Variants in MAP3K21 observed in about 807,000 individuals in gnomAD.
MAP3K21 encodes the protein mitogen-activated protein kinase kinase kinase 21, also known as mitogen-activated protein kinase kinase kinase MLK4.
Under a neutral mutation model 86.1 loss-of-function variants are expected in MAP3K21, and 63 were observed. That is an observed-to-expected ratio of 0.73 (90% CI 0.60 to 0.90). The LOEUF (loss-of-function observed/expected upper bound fraction) is 0.90. MAP3K21 is among the 40% of genes least tolerant of loss of function. The pLI is 0.00. For missense variants in MAP3K21, 1,220 were observed against 1,367.7 expected, an observed-to-expected ratio of 0.89 and a Z score of 1.70; for synonymous variants, 558 against 564.8, an observed-to-expected ratio of 0.99 and a Z score of 0.17.
rs367946480 is a variant in MAP3K21 at position 233,353,959 on chromosome 1, TTGTGTGTG to T, written c.1135+16_1135+23del. 4 of 1,507,734 alleles carry T rather than the reference TTGTGTGTG, an allele frequency of 2.7e-6. No individual in the cohort carries two copies. The Admixed American group carries it at 6.4e-5, about 24-fold the overall frequency. The allele number at this position is 1,507,734 out of a possible 1,614,324, so 93.4% of individuals were successfully genotyped here. ...CCGTTTGCCAAGCTCATGAAAGGTA[TTGTGTGTG>T]TGTGTGTGTGTCTTTGTGGGGGCAA... On this transcript the variant is annotated splice_donor_5th_base_variant and intron_variant, in intron 3 of 9. Transcript: ENST00000366624.
rs10910145 is a variant in MAP3K21 at position 233,385,029 on chromosome 1, G to T, written c.*2318G>T. Reference sequence around the variant, plus strand: ...AGTAAAAAATTAAGGTACTCTCACTGCAGAGATTTAAGGCCTGGGCCTAAT... The same window carrying T: ...AGTAAAAAATTAAGGTACTCTCACTTCAGAGATTTAAGGCCTGGGCCTAAT... On this transcript the variant is annotated 3_prime_UTR_variant, in exon 10 of 10. Coordinates refer to ENST00000366624, the MANE Select transcript of MAP3K21 (RefSeq NM_032435.3). 1 of 152,204 alleles carries T rather than the reference G, an allele frequency of 6.6e-6. No individual in the cohort carries two copies. The highest frequency in any genetic ancestry group is 2.1e-4 in the South Asian group (1 of 4,836). 9.4% of individuals were successfully genotyped at this position (152,204 alleles called of 1,614,324 possible). A position where few individuals can be genotyped will look rare whatever the true frequency, so the allele number is the denominator to read the frequency against.
Position 233,328,449 on chromosome 1 carries a change from G to T in MAP3K21, c.421G>T (p.Ala141Ser). 1.3e-6 allele frequency: 2 copies of T among 1,495,504 alleles called. No individual in the cohort carries two copies. The highest frequency in any genetic ancestry group is 1.3e-5 in the South Asian group (1 of 79,118). 92.6% of individuals were successfully genotyped at this position (1,495,504 alleles called of 1,614,324 possible). Residue 141 changes from alanine to serine, a missense_variant, in exon 1 of 10, where the codon GCC becomes TCC. Ala to Ser is a moderately conservative substitution (Grantham distance 99). This residue lies in a region of MAP3K21 where 369 missense variants were observed against 385.3 expected (regional missense o/e 0.96). Transcript: ENST00000366624. The surrounding 1 kb of genome is among the most constrained non-coding windows in gnomAD (Gnocchi z 8.7). ...TGGGGGCTTCGGGCAGGTGTACCGCGCCACCTGGCAGGGCCAGGAGGTGGC... is the reference window on the plus strand; with the variant it reads ...TGGGGGCTTCGGGCAGGTGTACCGCTCCACCTGGCAGGGCCAGGAGGTGGC... ...GAGGFGQVYR[A>S]TWQGQEVAVK... is the part of the protein sequence containing the mutation.
intron 4 of MAP3K21, among the ~76,000 whole-genome samples, chr1:233,357,880 C>T (rs1663393913): frequency 6.6e-6 from 1 of 152,202 alleles, no homozygotes; most frequent in Non-Finnish European, 1.5e-5. Context: ...CTTGCTAGCA[C>T]TTGGAGCTGG....
chr1:233,352,526 G>T (rs1321142901), intron 2 of MAP3K21, among the ~76,000 whole-genome samples: 2 of 151,936 alleles, frequency 1.3e-5, no homozygotes, highest in Non-Finnish European at 2.9e-5. Context: ...TGCCTCTGAG[G>T]TTCAAGTGAT....
At chr1:233,345,055 G>A (rs1663106838) in intron 1 of MAP3K21, among the ~76,000 whole-genome samples, 1 of 152,068 alleles carries the variant, frequency 6.6e-6, no homozygotes, top group South Asian at 2.1e-4. Context: ...CCAGTTAGAA[G>A]GGCGACCATT....
intron 5 of MAP3K21, among the ~76,000 whole-genome samples, chr1:233,366,561 A>G (rs1663578109): frequency 6.6e-6 from 1 of 152,216 alleles, no homozygotes; most frequent in Admixed American, 6.5e-5. Context: ...GATAAGTGGT[A>G]GATGGAACAG....
chr1:233,368,404 A>C (rs1420833748), intron 5 of MAP3K21, among the ~76,000 whole-genome samples: 3 of 152,150 alleles, frequency 2.0e-5, no homozygotes, highest in Non-Finnish European at 2.9e-5. Context: ...TGTCATCCCA[A>C]GCACTTTCAG....
At chr1:233,375,002 C>T (rs956088675) in intron 6 of MAP3K21, among the ~76,000 whole-genome samples, 2 of 151,452 alleles carry the variant, frequency 1.3e-5, no homozygotes, top group Non-Finnish European at 2.9e-5. Context: ...AGTGTAGTGG[C>T]GCGATCTCGG....
At chr1:233,362,429 T>C in intron 5 of MAP3K21, 136 bp downstream of exon 5, 2 of 908,586 alleles carry the variant, frequency 2.2e-6, no homozygotes, top group Non-Finnish European at 3.3e-6. Flanking sequence ...TCTTCAGCTG[T>C]AGGCTTAGAT....
At chr1:233,379,848 A>C in intron 9 of MAP3K21, 138 bp downstream of exon 9, 1 of 667,070 alleles carries the variant, frequency 1.5e-6, no homozygotes, top group Non-Finnish European at 2.5e-6. Flanking sequence ...AGATCTTTGA[A>C]CCTTACCCTT....
At chr1:233,358,473 G>GTTGTTTTT (rs71574857) in intron 4 of MAP3K21, among the ~76,000 whole-genome samples, 1 of 141,596 alleles carries the variant, frequency 7.1e-6, no homozygotes, top group African/African-American at 2.6e-5. Flanking sequence ...ACTCTAATTT[G>GTTGTTTTT]TTTTTTTTTT....
chr1:233,365,833 C>T (rs1047890349), intron 5 of MAP3K21, among the ~76,000 whole-genome samples: 5 of 152,018 alleles, frequency 3.3e-5, no homozygotes, highest in African/African-American at 1.2e-4. Context: ...AGGAATTCCA[C>T]TACCAGGTGT....
intron 5 of MAP3K21, among the ~76,000 whole-genome samples, chr1:233,366,726 G>A (rs976212784): frequency 3.3e-5 from 5 of 152,104 alleles, no homozygotes; most frequent in Non-Finnish European, 7.4e-5. Flanking sequence ...TCAAAAACTT[G>A]GTATTAAATA....
chr1:233,328,855 T>C lies in MAP3K21; in HGVS notation c.805+22T>C. 2 of 1,473,696 alleles carry C rather than the reference T, an allele frequency of 1.4e-6. No homozygotes were observed. Among genetic ancestry groups the C allele is most frequent in the African/African-American group, 1.5e-5 (1 of 68,432 alleles). 91.3% of individuals were successfully genotyped at this position (1,473,696 alleles called of 1,614,324 possible). A position where few individuals can be genotyped will look rare whatever the true frequency, so the allele number is the denominator to read the frequency against. ...AACAGTAAGTGGGGCCAGAGGGAGGTGGGGGAAGACTACCTCCGTGCCAGC... is the reference window on the plus strand; with the variant it reads ...AACAGTAAGTGGGGCCAGAGGGAGGCGGGGGAAGACTACCTCCGTGCCAGC... On this transcript the variant is annotated intron_variant, in intron 1 of 9. Coordinates refer to ENST00000366624, the MANE Select transcript of MAP3K21 (RefSeq NM_032435.3). This position sits in a 1 kb window ranked among gnomAD's most constrained non-coding sequence, Gnocchi z 8.7.
chr1:233,361,904 C>A, intron 4 of MAP3K21, 149 bp from the exon 5 acceptor site: 1 of 981,948 alleles, frequency 1.0e-6, no homozygotes, highest in South Asian at 1.7e-5. Context: ...ACCTGAGTGA[C>A]CAGGGCTTGA....
chr1:233,372,095 T>C lies in MAP3K21; in HGVS notation c.1610T>C (p.Leu537Pro). 6.2e-7 allele frequency: 1 copy of C among 1,614,172 alleles called. No individual in the cohort carries two copies. Among genetic ancestry groups the C allele is most frequent in the Non-Finnish European group, 8.5e-7 (1 of 1,180,016 alleles). ...CCCAACTTGGACAAACGGCGGAGCCTGAACAGCAGCAGTTCCAGTCCCCCG... is the reference window on the plus strand; with the variant it reads ...CCCAACTTGGACAAACGGCGGAGCCCGAACAGCAGCAGTTCCAGTCCCCCG... ...ASPNLDKRRS[L>P]NSSSSSPPSS... Residue 537 changes from leucine to proline, a missense_variant, in exon 6 of 10, where the codon CTG (leucine) becomes CCG (proline). Transcript: ENST00000366624.
At position 233,382,984 on chromosome 1, in the gene MAP3K21, C is replaced by T; in HGVS notation, c.*273C>T. The T allele has an allele frequency of 3.4e-6, 1 of 295,870 alleles. No homozygotes were observed. The highest frequency in any genetic ancestry group is 6.4e-5 in the East Asian group (1 of 15,556). 18.3% of individuals were successfully genotyped at this position (295,870 alleles called of 1,614,324 possible). ...TGAAAACTATGCTGGGTCGAATTACCTTCAGCACAATGTTAATGTTTTTGT... is the reference window on the plus strand; with the variant it reads ...TGAAAACTATGCTGGGTCGAATTACTTTCAGCACAATGTTAATGTTTTTGT... On this transcript the variant is annotated 3_prime_UTR_variant, in exon 10 of 10. Coordinates refer to ENST00000366624, the MANE Select transcript of MAP3K21 (RefSeq NM_032435.3).
intron 7 of MAP3K21, 107 bp downstream of exon 7, chr1:233,376,173 G>T (rs1663793059): frequency 1.1e-6 from 1 of 892,164 alleles, no homozygotes; most frequent in African/African-American, 1.7e-5. Flanking sequence ...TTAATAGAGA[G>T]ATTTATAAAT....
chr1:233,380,340 A>T (rs1012794747), intron 9 of MAP3K21, among the ~76,000 whole-genome samples: 1 of 152,194 alleles, frequency 6.6e-6, no homozygotes, highest in Admixed American at 6.5e-5. Context: ...CTCTGAGTGC[A>T]TCTGTGTCCT....
Sources: gnomAD v4.1 joint callset for allele counts (sites outside exome capture counted in the v4.1 genomes callset) on GRCh38, gnomAD v4.1.1 for gene constraint, gnomAD v4.1.1 regional missense constraint, Gnocchi (gnomAD v3.1) non-coding constraint, MANE v1.5 for transcripts, NCBI Gene and HGNC (gene_info 2026-07-23, HGNC 2026-07-21) for gene names.